Variants in KIAA1217 observed in about 807,000 individuals in gnomAD.
KIAA1217 encodes the protein sickle tail protein homolog.
A neutral mutation model predicts 163.9 loss-of-function variants in KIAA1217; 88 were observed. That is an observed-to-expected ratio of 0.54 (90% CI 0.45 to 0.64). The LOEUF (loss-of-function observed/expected upper bound fraction) is 0.64. KIAA1217 is among the 30% of genes least tolerant of loss of function. KIAA1217 has a pLI of 0.00. For synonymous variants in KIAA1217, 903 were observed against 923.1 expected (o/e 0.98, Z 0.39); for missense variants, 2,372 against 2,475.0 (o/e 0.96, Z 0.88).
chr10:24,419,977 T>C (rs771534180), intron 3 of KIAA1217, among the ~76,000 whole-genome samples: 12 of 152,070 alleles, frequency 7.9e-5, no homozygotes, highest in Non-Finnish European at 1.8e-4. Context: ...ACTGTTCCAA[T>C]GTATCAATAA....
chr10:24,523,140 A>G (rs1240510609), intron 12 of KIAA1217, among the ~76,000 whole-genome samples: 1 of 152,188 alleles, frequency 6.6e-6, no homozygotes, highest in Non-Finnish European at 1.5e-5. Flanking sequence ...TGACAGAGCA[A>G]GACCCCATCT....
At chr10:23,999,600 C>A (rs1047736099) in intron 1 of KIAA1217, among the ~76,000 whole-genome samples, 1 of 152,164 alleles carries the variant, frequency 6.6e-6, no homozygotes, top group Non-Finnish European at 1.5e-5. Context: ...AAGGGTCTTA[C>A]CCTTTCCACT....
At chr10:23,928,000 C>T (rs1445308677) in intron 1 of KIAA1217, among the ~76,000 whole-genome samples, 1 of 152,222 alleles carries the variant, frequency 6.6e-6, no homozygotes, top group Non-Finnish European at 1.5e-5. Context: ...CTCGTCCACC[C>T]AGCAGACCAG....
Position 24,524,585 on chromosome 10 carries a change from G to T in KIAA1217, c.2719G>T (p.Ala907Ser). 1 of 1,614,016 alleles carries T rather than the reference G, an allele frequency of 6.2e-7. No individual in the cohort carries two copies. The highest frequency in any genetic ancestry group is 1.1e-5 in the South Asian group (1 of 91,082). Residue 907 changes from alanine (A) to serine (S), a missense_variant, in exon 13 of 21, where the codon GCT becomes TCT. By Grantham distance (99) the Ala-to-Ser change is moderately conservative. This residue lies in a region of KIAA1217 where 1,431 missense variants were observed against 1,470.3 expected (regional missense o/e 0.97). Coordinates refer to ENST00000376454, the MANE Select transcript of KIAA1217 (RefSeq NM_019590.5). The stretch of plus-strand genomic sequence containing the variant: ...GCACTCCGTGGCCCTGCTGAACCCT[G>T]CTCAGAACTTGCCTCACGTGGCCAG... The part of the protein sequence containing the change: ...SQHSVALLNP[A>S]QNLPHVASSP...
At chr10:23,750,985 TCCTTC>T (rs201432766) in intron 1 of KIAA1217, among the ~76,000 whole-genome samples, 92 of 150,030 alleles carry the variant, frequency 6.1e-4, no homozygotes, top group African/African-American at 1.6e-3. Flanking sequence ...TTCTTCCCTT[TCCTTC>T]CCTTCCCTTC....
At chr10:24,103,328 AGAT>A (rs2062491809) in intron 2 of KIAA1217, among the ~76,000 whole-genome samples, 1 of 152,188 alleles carries the variant, frequency 6.6e-6, no homozygotes, top group South Asian at 2.1e-4. Context: ...AAGAAAACCT[AGAT>A]GACCTTAGAT....
At chr10:23,851,900 A>T (rs1219475122) in intron 1 of KIAA1217, among the ~76,000 whole-genome samples, 1 of 151,576 alleles carries the variant, frequency 6.6e-6, no homozygotes, top group East Asian at 1.9e-4. Flanking sequence ...TTCATTGTAG[A>T]TTCTGGATAT....
intron 2 of KIAA1217, among the ~76,000 whole-genome samples, chr10:24,199,597 A>G (rs1306536746): frequency 6.6e-6 from 1 of 152,238 alleles, no homozygotes; most frequent in Non-Finnish European, 1.5e-5. Flanking sequence ...TTCTTTCCCC[A>G]AATTCAGCCT....
intron 2 of KIAA1217, among the ~76,000 whole-genome samples, chr10:24,313,848 T>G (rs1218238964): frequency 6.8e-6 from 1 of 148,004 alleles, no homozygotes; most frequent in African/African-American, 2.5e-5. Context: ...TGGTTGTTTT[T>G]TTTTTTTTTT....
intron 2 of KIAA1217, among the ~76,000 whole-genome samples, chr10:24,023,955 G>A (rs772782814): frequency 1.3e-5 from 2 of 151,540 alleles, no homozygotes; most frequent in African/African-American, 2.4e-5. Context: ...GTTCCAAGGT[G>A]AGGGGACGCA....
intron 3 of KIAA1217, among the ~76,000 whole-genome samples, chr10:24,409,124 G>C (rs1193940369): frequency 1.3e-5 from 2 of 152,090 alleles, no homozygotes; most frequent in Non-Finnish European, 2.9e-5. Context: ...GAATCACAGG[G>C]GGACAGATTT....
chr10:24,415,606 A>G (rs1243716784), intron 3 of KIAA1217, among the ~76,000 whole-genome samples: 1 of 152,102 alleles, frequency 6.6e-6, no homozygotes, highest in African/African-American at 2.4e-5. Context: ...AATGACCTAG[A>G]TCTGAACATG....
Position 24,097,182 on chromosome 10 carries a change from C to G in KIAA1217, c.-171+89808C>G. Reference sequence around the variant, plus strand: ...AATATAGCCTGGATTAGAATGGTGACAATAGGAAGAGGAAAAATTTATAGG... The same window carrying G: ...AATATAGCCTGGATTAGAATGGTGAGAATAGGAAGAGGAAAAATTTATAGG... On this transcript the variant is annotated intron_variant, in intron 2 of 18. Transcript: ENST00000376462. Among the ~76,000 whole-genome samples, 2 of 151,890 alleles carry G rather than the reference C, an allele frequency of 1.3e-5. 1 individual carries two copies. The highest frequency in any genetic ancestry group is 1.3e-4 in the Admixed American group (2 of 15,242).
intron 1 of KIAA1217, among the ~76,000 whole-genome samples, chr10:23,945,410 A>T (rs76046898): frequency 0.025 from 3,884 of 152,314 alleles, 162 homozygotes; most frequent in African/African-American, 0.088. Flanking sequence ...AAGTTCAAAA[A>T]GAGAGAAAAC....
intron 2 of KIAA1217, among the ~76,000 whole-genome samples, chr10:24,109,968 G>T (rs891584141): frequency 6.6e-6 from 1 of 152,178 alleles, no homozygotes; most frequent in East Asian, 1.9e-4. Context: ...TGGGTGCAAG[G>T]GTTTCTCCCA....
intron 2 of KIAA1217, among the ~76,000 whole-genome samples, chr10:24,172,728 T>A (rs1328525204): frequency 6.6e-6 from 1 of 152,188 alleles, no homozygotes; most frequent in Non-Finnish European, 1.5e-5. Flanking sequence ...GACATCAACA[T>A]TGTTCACAGT....
chr10:24,163,101 G>A (rs2065192448), intron 2 of KIAA1217, among the ~76,000 whole-genome samples: 1 of 152,158 alleles, frequency 6.6e-6, no homozygotes, highest in African/African-American at 2.4e-5. Flanking sequence ...GGCATCACTG[G>A]GGACCCTCTT....
chr10:24,542,835 C>T, intron 18 of KIAA1217, 48 bp from the exon 19 acceptor site: 1 of 1,610,412 alleles, frequency 6.2e-7, no homozygotes, highest in Non-Finnish European at 8.5e-7. Flanking sequence ...TCTGCAGATC[C>T]ATTGCTGATT....
chr10:24,389,949 C>T (rs559578156), intron 3 of KIAA1217, among the ~76,000 whole-genome samples: 1 of 152,244 alleles, frequency 6.6e-6, no homozygotes, highest in Admixed American at 6.5e-5. Context: ...CCCAACTCTG[C>T]ATCTGTGCTG....
Sources: gnomAD v4.1 joint callset for allele counts (sites outside exome capture counted in the v4.1 genomes callset) on GRCh38, gnomAD v4.1.1 for gene constraint, gnomAD v4.1.1 regional missense constraint, MANE v1.5 for transcripts, NCBI Gene and HGNC (gene_info 2026-07-23, HGNC 2026-07-21) for gene names.